Variants in SVIL observed in about 807,000 individuals in gnomAD.
SVIL encodes supervillin, also known as archvillin.
A neutral mutation model predicts 240.4 loss-of-function variants in SVIL; 101 were observed. The observed-to-expected ratio is 0.42, with a 90% CI of 0.36 to 0.50. The LOEUF is 0.50. Ranked by LOEUF, SVIL falls within the 20% of genes least tolerant of loss-of-function variation. SVIL has a pLI of 0.01. For missense variants in SVIL, 2,512 were observed against 2,818.7 expected (o/e 0.89, Z 2.46); for synonymous variants, 999 against 1,100.0 (o/e 0.91, Z 1.82).
chr10:29,464,238 AC>A (rs1944619987), intron 34 of SVIL, among the ~76,000 whole-genome samples: 1 of 151,992 alleles, frequency 6.6e-6, no homozygotes, highest in Admixed American at 6.6e-5. Context: ...GAGGTTGAAG[AC>A]CAGCCTGGGC....
At chr10:29,553,839 C>T (rs559384811) in intron 5 of SVIL, among the ~76,000 whole-genome samples, 22 of 152,304 alleles carry the variant, frequency 1.4e-4, no homozygotes, top group Admixed American at 9.1e-4. Context: ...AGTTTTCTTG[C>T]ATCTCCAGAG....
Position 29,621,055 on chromosome 10 carries a change from T to A in SVIL, c.-201+13365A>T, listed in dbSNP as rs538378660. Among the ~76,000 whole-genome samples the A allele has an allele frequency of 4.7e-3, 713 of 151,470 alleles. 4 individuals carry two copies. The highest frequency in any genetic ancestry group is 0.017 in the African/African-American group (686 of 41,266). On this transcript the variant is annotated intron_variant, in intron 1 of 37. Transcript: ENST00000355867. ...TTGGCCTCAAGCAATTCTCCCACCT[T>A]GGCCTCCCAAAGTGCTGGGATTACA...
intron 1 of SVIL, among the ~76,000 whole-genome samples, chr10:29,709,055 A>G (rs528160476): frequency 1.2e-4 from 18 of 152,368 alleles, no homozygotes; most frequent in Admixed American, 1.1e-3. Flanking sequence ...AAGGAACCGA[A>G]GAAGCCTAAC....
At chr10:29,645,154 C>T (rs1236719860) in intron 3 of SVIL, among the ~76,000 whole-genome samples, 1 of 152,100 alleles carries the variant, frequency 6.6e-6, no homozygotes, top group Non-Finnish European at 1.5e-5. Context: ...GACTGAAAAT[C>T]GCTGGTCTGG....
At chr10:29,513,293 A>T (rs564730499) in intron 16 of SVIL, among the ~76,000 whole-genome samples, 3 of 152,374 alleles carry the variant, frequency 2.0e-5, no homozygotes, top group Admixed American at 2.0e-4. Context: ...AAAGCTGGCC[A>T]GGCACGGTGG....
intron 24 of SVIL, 70 bp downstream of exon 24, chr10:29,487,093 T>C (rs745425227): frequency 2.1e-5 from 32 of 1,556,382 alleles, no homozygotes; most frequent in African/African-American, 8.2e-5. Context: ...GTGACTGACG[T>C]CAGGAAGAAC....
At chr10:29,628,744 C>T (rs1290896463) in intron 1 of SVIL, among the ~76,000 whole-genome samples, 3 of 152,174 alleles carry the variant, frequency 2.0e-5, no homozygotes, top group African/African-American at 4.8e-5. Flanking sequence ...GAATGCATTC[C>T]ACCTGAAATG....
intron 18 of SVIL, 87 bp from the exon 19 acceptor site, chr10:29,495,268 G>A (rs192758758): frequency 5.5e-6 from 4 of 724,802 alleles, no homozygotes; most frequent in African/African-American, 4.7e-5. Context: ...GAAATCCCAG[G>A]GTAGACGGCA....
At position 29,717,703 on chromosome 10, in the gene SVIL, T is replaced by C. The variant is rs1301107339; in HGVS notation, c.-400+18048A>G. On this transcript the variant is annotated intron_variant, in intron 1 of 35. Coordinates refer to the SVIL transcript ENST00000375400. Reference sequence around the variant, plus strand: ...TTGTTTCAAAAAGTCAAATTAATTATTCTAAAAAAGATGAACCAGTTTTGT... The same window carrying C: ...TTGTTTCAAAAAGTCAAATTAATTACTCTAAAAAAGATGAACCAGTTTTGT... Among the ~76,000 whole-genome samples, 3 of 152,230 alleles carry C rather than the reference T, an allele frequency of 2.0e-5. No homozygotes were observed. In the East Asian group the frequency reaches 5.8e-4, roughly 29 times the overall value.
At chr10:29,574,714 G>C (rs550186945) in intron 1 of SVIL, among the ~76,000 whole-genome samples, 11 of 152,298 alleles carry the variant, frequency 7.2e-5, no homozygotes, top group Admixed American at 4.6e-4. Flanking sequence ...CAAGAGAACC[G>C]GGGCCACTGT....
chr10:29,599,316 T>C (rs1343088857), intron 1 of SVIL, among the ~76,000 whole-genome samples: 1 of 152,240 alleles, frequency 6.6e-6, no homozygotes, highest in Non-Finnish European at 1.5e-5. Context: ...TGTTCTTTTC[T>C]CTTGCCTGGA....
chr10:29,679,144 G>A (rs1032064880), intron 2 of SVIL, among the ~76,000 whole-genome samples: 2 of 152,206 alleles, frequency 1.3e-5, no homozygotes, highest in African/African-American at 4.8e-5. Flanking sequence ...GGCAGAGGCT[G>A]CAGTGAGCAG....
At chr10:29,519,800 T>A (rs1413218523) in intron 16 of SVIL, among the ~76,000 whole-genome samples, 1 of 152,258 alleles carries the variant, frequency 6.6e-6, no homozygotes, top group Non-Finnish European at 1.5e-5. Context: ...CTGAACAGAC[T>A]GGGCTCAGGG....
At chr10:29,496,424 C>A (rs1211705816) in intron 18 of SVIL, 2 of 455,728 alleles carry the variant, frequency 4.4e-6, no homozygotes, top group Non-Finnish European at 4.4e-6. Flanking sequence ...GAAGAGACAT[C>A]AGAGGAGTTC....
At chr10:29,699,747 T>G (rs1486146444) in intron 1 of SVIL, among the ~76,000 whole-genome samples, 1 of 152,226 alleles carries the variant, frequency 6.6e-6, no homozygotes, top group African/African-American at 2.4e-5. Flanking sequence ...TGAAGCCAGA[T>G]GGAGCCACAT....
chr10:29,462,128 C>A (rs1588771433), intron 36 of SVIL, 149 bp downstream of exon 36: 4 of 1,055,182 alleles, frequency 3.8e-6, no homozygotes, highest in Non-Finnish European at 5.4e-6. Flanking sequence ...TCTTCCTAAG[C>A]AAATTCTATG....
intron 1 of SVIL, among the ~76,000 whole-genome samples, chr10:29,690,862 T>C (rs1467603016): frequency 6.6e-6 from 1 of 152,240 alleles, no homozygotes; most frequent in East Asian, 1.9e-4. Context: ...TTCTGTATAA[T>C]TCATGGTCTG....
chr10:29,659,567 G>A (rs1959098294), intron 2 of SVIL, among the ~76,000 whole-genome samples: 1 of 152,136 alleles, frequency 6.6e-6, no homozygotes, highest in Non-Finnish European at 1.5e-5. Flanking sequence ...AGAGAGAATG[G>A]GGTTCATCTC....
intron 2 of SVIL, among the ~76,000 whole-genome samples, chr10:29,568,125 G>A (rs4126697): frequency 1.3e-5 from 2 of 151,954 alleles, no homozygotes; most frequent in African/African-American, 4.8e-5. Context: ...AAAAAGTGAC[G>A]TTTCGTGAGT....
Sources: gnomAD v4.1 joint callset for allele counts (sites outside exome capture counted in the v4.1 genomes callset) on GRCh38, gnomAD v4.1.1 for gene constraint, MANE v1.5 for transcripts, NCBI Gene and HGNC (gene_info 2026-07-23, HGNC 2026-07-21) for gene names.